Variants in OBSL1 observed in about 807,000 individuals in gnomAD.
OBSL1 encodes the protein obscurin like cytoskeletal adaptor 1, also known as obscurin-like protein 1.
OBSL1 carries 160 observed loss-of-function variants against 172.0 expected under a neutral mutation model. That is an observed-to-expected ratio of 0.93 (90% CI 0.82 to 1.06). The LOEUF is 1.06. Among genes scored for constraint, OBSL1 ranks in the 50% least tolerant of loss-of-function variants. The pLI, the probability that OBSL1 is intolerant of heterozygous loss-of-function variation, is 0.00. For missense variants in OBSL1, 2,681 were observed against 2,715.4 expected (o/e 0.99, Z 0.28); for synonymous variants, 1,200 against 1,196.3 (o/e 1.00, Z -0.06).
chr2:219,556,400 G>A, intron 13 of OBSL1, 54 bp downstream of exon 13: 2 of 1,603,070 alleles, frequency 1.2e-6, no homozygotes, highest in South Asian at 1.1e-5. Context: ...CTGGAATCCT[G>A]GTTGGGAGTA....
downstream of OBSL1, chr2:219,547,633 C>A: frequency 6.6e-7 from 1 of 1,515,750 alleles, no homozygotes; most frequent in Non-Finnish European, 8.8e-7. Flanking sequence ...GCGCGGGCAT[C>A]GCTCTGGGCA....
Position 219,562,612 on chromosome 2 carries a change from G to A in OBSL1, c.2743C>T (p.Arg915Cys), listed in dbSNP as rs1212844737. The change falls in exon 8 of 21, where the codon CGT (arginine) becomes TGT (cysteine). Residue 915 changes from arginine to cysteine, a missense_variant. This residue lies in a region of OBSL1 where 1,765 missense variants were observed against 1,748.3 expected (regional missense o/e 1.01). Transcript: ENST00000404537. Reference protein sequence around the residue: ...KVYVAAVRLERVVLTCELCRP... With the variant: ...KVYVAAVRLECVVLTCELCRP... ...CATAGCTCACAGGTCAGCACCACAC[G>A]CTCCAGGCGCACGGCTGCCACATAC... The A allele has an allele frequency of 1.3e-5, 21 of 1,602,354 alleles. No individual in the cohort carries two copies. Among genetic ancestry groups the A allele is most frequent in the Non-Finnish European group, 1.6e-5 (19 of 1,175,030 alleles).
At chr2:219,569,723 A>G (rs1697198179) in intron 1 of OBSL1, among the ~76,000 whole-genome samples, 1 of 152,200 alleles carries the variant, frequency 6.6e-6, no homozygotes, top group South Asian at 2.1e-4. Flanking sequence ...TGGTCTCATG[A>G]ATGCAGCCTT....
At chr2:219,549,098 A>T (rs765107675), downstream of OBSL1, 28 of 1,602,778 alleles carry the variant, frequency 1.7e-5, no homozygotes, top group African/African-American at 3.7e-4. Flanking sequence ...GGAGGGCTCA[A>T]GGGAAACAAG....
intron 1 of OBSL1, chr2:219,569,389 T>C (rs1300430363): frequency 6.6e-6 from 1 of 152,222 alleles, no homozygotes; most frequent in Non-Finnish European, 1.5e-5. Context: ...CAATAACTAG[T>C]GAAGGTGTAC....
intron 8 of OBSL1, among the ~76,000 whole-genome samples, chr2:219,560,897 C>T (rs1356132967): frequency 1.3e-5 from 2 of 152,126 alleles, no homozygotes; most frequent in African/African-American, 2.4e-5. Flanking sequence ...TGCCCAGCCC[C>T]GGGACCTCAG....
chr2:219,557,383 A>C lies in OBSL1; in HGVS notation c.4026T>G (p.Asp1342Glu). 6.5e-7 allele frequency: 1 copy of C among 1,535,474 alleles called. No homozygotes were observed. The highest frequency in any genetic ancestry group is 2.4e-5 in the East Asian group (1 of 40,968). Residue 1342 changes from aspartate to glutamate, a missense_variant, in exon 12 of 21, where the codon GAT (aspartate) becomes GAG (glutamate). By Grantham distance (45) the Asp-to-Glu change is conservative. Transcript: ENST00000404537. ...RSGDAGEYLC[D>E]APQDSRIFLV... ...GGAAGATGCGGCTGTCCTGGGGCGC[A>C]TCGCACAGGTACTCCCCAGCGTCCC...
At chr2:219,549,045 A>T (rs1375886026), downstream of OBSL1, 1 of 1,277,872 alleles carries the variant, frequency 7.8e-7, no homozygotes, top group Non-Finnish European at 1.1e-6. Flanking sequence ...GGTTATGGAC[A>T]AGAGGAATCT....
chr2:219,568,339 G>A lies in OBSL1; in HGVS notation c.1013-15C>T, dbSNP rs1697082805. 1.3e-6 allele frequency: 2 copies of A among 1,591,598 alleles called. No homozygotes were observed. The highest frequency in any genetic ancestry group is 1.7e-6 in the Non-Finnish European group (2 of 1,168,620). ...GAGGCGGGGCTCTGTGGAGAGGGGA[G>A]AGAGAGACAAGAGAGGGCTCTGGAG... On this transcript the variant is annotated splice_polypyrimidine_tract_variant and intron_variant, in intron 1 of 20. Coordinates refer to ENST00000404537, the MANE Select transcript of OBSL1 (RefSeq NM_015311.3). The surrounding 1 kb of genome is among the most constrained non-coding windows in gnomAD (Gnocchi z 4.1).
chr2:219,552,634 G>A lies in OBSL1; in HGVS notation c.5210C>T (p.Thr1737Met), dbSNP rs199594182. The part of the protein sequence containing the change: ...SVSAREGDGA[T>M]FECTVSEVET... ...GACCTCCGACACGGTGCACTCGAAC[G>A]TAGCGCCGTCGCCTTCGCGGGCGCT... Residue 1737 changes from threonine (T) to methionine (M), a missense_variant, in exon 18 of 21, where the codon ACG becomes ATG. Transcript: ENST00000404537. The A allele has an allele frequency of 1.0e-5, 16 of 1,559,896 alleles. No homozygotes were observed. In the Admixed American group the frequency reaches 2.2e-4, roughly 21 times the overall value.
At chr2:219,554,866 G>T (rs1433026305) in intron 14 of OBSL1, 126 bp from the exon 15 acceptor site, 6 of 1,126,054 alleles carry the variant, frequency 5.3e-6, no homozygotes, top group Non-Finnish European at 7.3e-6. Flanking sequence ...GACCAAAAAA[G>T]TTCGGAACCA....
At position 219,556,241 on chromosome 2, in the gene OBSL1, C is replaced by A; in HGVS notation, c.4388G>T (p.Gly1463Val). 6.2e-7 allele frequency: 1 copy of A among 1,601,010 alleles called. No homozygotes were observed. The highest frequency in any genetic ancestry group is 1.7e-5 in the Admixed American group (1 of 59,418). ...RRLQDVRAEEGQDVCLEVETG... is the reference protein window; with the variant it reads ...RRLQDVRAEEVQDVCLEVETG... Reference sequence around the variant, plus strand: ...CTCCACTTCGAGACACACATCCTGGCCTTCCTCTGCCCGCACATCCTGCAA... The same window carrying A: ...CTCCACTTCGAGACACACATCCTGGACTTCCTCTGCCCGCACATCCTGCAA... The change falls in exon 14 of 21, where the codon GGC becomes GTC. Residue 1463 changes from glycine to valine, a missense_variant. Gly to Val is a moderately radical substitution (Grantham distance 109). Coordinates refer to ENST00000404537, the MANE Select transcript of OBSL1 (RefSeq NM_015311.3).
At chr2:219,551,274 G>A in intron 20 of OBSL1, 2 of 1,405,534 alleles carry the variant, frequency 1.4e-6, no homozygotes, top group East Asian at 2.6e-5. Context: ...AGTGGCAGGA[G>A]AGAGGAGAAG....
rs749884395 is a variant in OBSL1 at position 219,565,284 on chromosome 2, T to C, written c.2365A>G (p.Arg789Gly). ...KVQDSGEFEC[R>G]TEGVSAFFGV... ...AAGAAGGCCGAGACCCCTTCTGTCCTGCACTCAAACTCGCCACTGTCCTGG... is the reference window on the plus strand; with the variant it reads ...AAGAAGGCCGAGACCCCTTCTGTCCCGCACTCAAACTCGCCACTGTCCTGG... Residue 789 changes from arginine (R) to glycine (G), a missense_variant, in exon 6 of 21, where the codon AGG becomes GGG. Arg to Gly is a moderately radical substitution (Grantham distance 125, BLOSUM62 -2). Coordinates refer to ENST00000404537, the MANE Select transcript of OBSL1 (RefSeq NM_015311.3). 9.9e-6 allele frequency: 16 copies of C among 1,613,976 alleles called. No individual in the cohort carries two copies. The East Asian group carries it at 3.6e-4, about 36-fold the overall frequency.
chr2:219,571,360 T>C lies in OBSL1; in HGVS notation c.-128A>G, dbSNP rs1160570826. The C allele has an allele frequency of 6.2e-6, 3 of 483,900 alleles. No homozygotes were observed. The highest frequency in any genetic ancestry group is 9.5e-6 in the Non-Finnish European group (3 of 316,132). 30.0% of individuals were successfully genotyped at this position (483,900 alleles called of 1,614,324 possible). ...CTGGGCGCGGGGACCCGCGGAGCTCTCCCGGGCCTCCCGCTCCCGGCTCGC... is the reference window on the plus strand; with the variant it reads ...CTGGGCGCGGGGACCCGCGGAGCTCCCCCGGGCCTCCCGCTCCCGGCTCGC... On this transcript the variant is annotated 5_prime_UTR_variant, in exon 1 of 21. Coordinates refer to ENST00000404537, the MANE Select transcript of OBSL1 (RefSeq NM_015311.3).
chr2:219,551,578 G>A lies in OBSL1; in HGVS notation c.5634C>T (p.Tyr1878=), dbSNP rs1024820522. The change falls in exon 20 of 21, where the codon TAC becomes TAT. Residue 1878 remains tyrosine (Y), a synonymous_variant. Transcript: ENST00000404537. ...TGCTGTCCTGGCCGGCCTGGCAGCA[G>A]TAAGTGCCTTGGTCCTCAGGTCGAA... The part of the protein sequence containing the change: ...HDVRPEDQGT[Y]CCQAGQDSTH... 1.9e-6 allele frequency: 3 copies of A among 1,606,852 alleles called. No individual in the cohort carries two copies. Among genetic ancestry groups the A allele is most frequent in the Non-Finnish European group, 2.5e-6 (3 of 1,176,904 alleles).
intron 5 of OBSL1, among the ~76,000 whole-genome samples, chr2:219,565,986 C>T (rs1574568290): frequency 6.6e-6 from 1 of 152,216 alleles, no homozygotes; most frequent in African/African-American, 2.4e-5. Flanking sequence ...TCCAGCTGTT[C>T]TCCTCAGGGA....
At chr2:219,563,745 C>T in intron 6 of OBSL1, 118 bp from the exon 7 acceptor site, 1 of 1,167,246 alleles carries the variant, frequency 8.6e-7, no homozygotes, top group Middle Eastern at 2.0e-4. Flanking sequence ...GGCTAAGGTC[C>T]TGCTGTGTAG....
chr2:219,549,775 C>T, downstream of OBSL1: 15 of 1,614,142 alleles, frequency 9.3e-6, no homozygotes, highest in South Asian at 1.4e-4. Context: ...TCCTTCATGG[C>T]CTCACCCACA....
Sources: allele counts gnomAD v4.1 joint callset (sites outside exome capture counted in the v4.1 genomes callset), GRCh38; gene constraint gnomAD v4.1.1; regional missense constraint gnomAD v4.1.1; non-coding constraint Gnocchi (gnomAD v3.1); transcripts MANE v1.5; gene names NCBI Gene and HGNC (gene_info 2026-07-23, HGNC 2026-07-21).